The following VRK2 variants were observed in gnomAD, a reference collection of about 807,000 sequenced individuals.
The protein encoded by VRK2 is serine/threonine-protein kinase VRK2.
VRK2 carries 60 observed loss-of-function variants against 57.6 expected under a neutral mutation model. The observed-to-expected ratio is 1.04, with a 90% CI of 0.85 to 1.29. The LOEUF (loss-of-function observed/expected upper bound fraction) is 1.29, where lower values mean the gene tolerates loss of function less well. Among genes scored for constraint, VRK2 ranks in the 50% most tolerant of loss-of-function variants. VRK2 has a pLI of 0.00. For missense variants in VRK2, 705 were observed against 588.1 expected, an observed-to-expected ratio of 1.20 and a Z score of -2.06; for synonymous variants, 231 against 199.2, an observed-to-expected ratio of 1.16 and a Z score of -1.35.
chr2:58,039,420 T>G (rs543635919), intron 3 of VRK2, among the ~76,000 whole-genome samples: 1 of 152,180 alleles, frequency 6.6e-6, no homozygotes, highest in Non-Finnish European at 1.5e-5. Flanking sequence ...TCCCTAAAAA[T>G]TTCTCCTACA....
intron 2 of VRK2, among the ~76,000 whole-genome samples, chr2:58,083,662 A>G (rs868007571): frequency 1.3e-5 from 2 of 151,856 alleles, no homozygotes; most frequent in Non-Finnish European, 3.0e-5. Context: ...CTGAATCATT[A>G]TGAGTTCTAA....
At chr2:58,089,602 A>G (rs2104223603) in intron 6 of VRK2, 29 bp from the exon 7 acceptor site, 2 of 1,444,440 alleles carry the variant, frequency 1.4e-6, no homozygotes, top group East Asian at 4.6e-5. Context: ...AATAGCAGTA[A>G]ACCTTATTTT....
chr2:58,047,000 G>A, intron 1 of VRK2, 132 bp downstream of exon 1: 2 of 983,934 alleles, frequency 2.0e-6, no homozygotes, highest in African/African-American at 1.7e-5. Context: ...CCAGCCCCCG[G>A]GCCTCAGCTC....
chr2:58,118,998 G>C (rs2104462437), intron 7 of VRK2, among the ~76,000 whole-genome samples: 1 of 152,250 alleles, frequency 6.6e-6, no homozygotes, highest in Non-Finnish European at 1.5e-5. Context: ...CACAGTGGTG[G>C]AATGTCATCA....
At chr2:58,043,744 G>A (rs562885261), upstream of VRK2, among the ~76,000 whole-genome samples, 76 of 152,244 alleles carry the variant, frequency 5.0e-4, 1 homozygote, top group African/African-American at 1.6e-3. Flanking sequence ...TTTATCTTGG[G>A]TAAATATGCG....
intron 2 of VRK2, among the ~76,000 whole-genome samples, chr2:58,028,071 T>C (rs1244985737): frequency 6.6e-6 from 1 of 152,128 alleles, no homozygotes; most frequent in Admixed American, 6.6e-5. Context: ...ACTCAAACAA[T>C]CCCTTAATCT....
At chr2:58,013,982 T>C (rs1390972139) in intron 1 of VRK2, among the ~76,000 whole-genome samples, 1 of 152,076 alleles carries the variant, frequency 6.6e-6, no homozygotes, top group East Asian at 1.9e-4. Flanking sequence ...GCTTATGCTA[T>C]AGGGTAATAC....
intron 12 of VRK2, among the ~76,000 whole-genome samples, chr2:58,157,740 G>A (rs1480396844): frequency 6.6e-6 from 1 of 152,134 alleles, no homozygotes; most frequent in East Asian, 1.9e-4. Flanking sequence ...GTAGAGCAGG[G>A]GTCAGCAAAC....
chr2:58,073,403 G>GT (rs1343699669), intron 2 of VRK2, among the ~76,000 whole-genome samples: 2 of 151,900 alleles, frequency 1.3e-5, no homozygotes, highest in Non-Finnish European at 2.9e-5. Flanking sequence ...ATGGAAGTGT[G>GT]TTTAAGTCTC....
chr2:58,148,448 G>T lies in VRK2; in HGVS notation c.1182+1974G>T, dbSNP rs1682491537. Among the ~76,000 whole-genome samples the T allele has an allele frequency of 3.3e-5, 5 of 151,718 alleles. No individual in the cohort carries two copies. In the South Asian group the frequency reaches 1.0e-3, roughly 31 times the overall value. On this transcript the variant is annotated intron_variant, in intron 12 of 12. Transcript: ENST00000340157. ...GATATCCTCTCCTAGCATGCGGCCTGCCTAATCATTTAATTCATAGTATCT... is the reference window on the plus strand; with the variant it reads ...GATATCCTCTCCTAGCATGCGGCCTTCCTAATCATTTAATTCATAGTATCT...
rs151219048 is a variant in VRK2 at position 58,106,302 on chromosome 2, G to A, written c.543+16579G>A. On this transcript the variant is annotated intron_variant, in intron 7 of 12. Transcript: ENST00000340157. The stretch of plus-strand genomic sequence containing the variant: ...AACTGCTAGCCTATGAACTATTGAG[G>A]GAATTTTCCCCAGAAGTCTGGAAAG... Among the ~76,000 whole-genome samples, 6 of 152,052 alleles carry A rather than the reference G, an allele frequency of 3.9e-5. No individual in the cohort carries two copies. The East Asian group carries it at 9.7e-4, about 24-fold the overall frequency.
At chr2:57,931,697 T>C (rs1422035547) in intron 1 of VRK2, among the ~76,000 whole-genome samples, 24 of 152,200 alleles carry the variant, frequency 1.6e-4, no homozygotes, top group Admixed American at 1.4e-3. Flanking sequence ...CCAAGATCGA[T>C]GTCATGGACA....
chr2:58,093,723 T>G (rs1185703238), intron 7 of VRK2, among the ~76,000 whole-genome samples: 10 of 152,148 alleles, frequency 6.6e-5, no homozygotes, highest in Admixed American at 6.5e-4. Flanking sequence ...GGTGTTTTAG[T>G]CATGAAGTCC....
intron 2 of VRK2, among the ~76,000 whole-genome samples, chr2:58,078,546 T>G (rs887558438): frequency 5.9e-5 from 9 of 152,098 alleles, no homozygotes; most frequent in Non-Finnish European, 8.8e-5. Context: ...TATGGTAATT[T>G]TATTTATTTT....
chr2:57,965,091 T>C (rs67034577), intron 1 of VRK2, among the ~76,000 whole-genome samples: 21,255 of 152,090 alleles, frequency 0.14, 1,633 homozygotes, highest in African/African-American at 0.19. Flanking sequence ...ATTAAGTTGG[T>C]GCATAATGCA....
Position 58,149,108 on chromosome 2 carries a change from A to C in VRK2, c.1182+2634A>C, listed in dbSNP as rs1682607490. On this transcript the variant is annotated intron_variant, in intron 12 of 12. Transcript: ENST00000340157. ...GAGAACTGGCATCCCAACAATGTCG[A>C]CTCCTCCAGTGCATAAACCTGGTAC... Among the ~76,000 whole-genome samples the C allele has an allele frequency of 1.3e-5, 2 of 151,102 alleles. 1 individual carries two copies. Among genetic ancestry groups the C allele is most frequent in the Admixed American group, 1.3e-4 (2 of 15,126 alleles).
At chr2:58,146,185 C>A in intron 11 of VRK2, 131 bp from the exon 12 acceptor site, 1 of 772,820 alleles carries the variant, frequency 1.3e-6, no homozygotes, top group Non-Finnish European at 1.9e-6. Context: ...TGTCCACTTG[C>A]TGCTTTCCTC....
intron 3 of VRK2, among the ~76,000 whole-genome samples, chr2:58,084,563 G>A (rs916610000): frequency 4.6e-5 from 7 of 151,782 alleles, no homozygotes; most frequent in African/African-American, 1.7e-4. Context: ...TGTATATGTT[G>A]GTATACAGTG....
chr2:57,946,978 A>C (rs888941986), intron 1 of VRK2, among the ~76,000 whole-genome samples: 2 of 152,164 alleles, frequency 1.3e-5, no homozygotes, highest in Admixed American at 6.5e-5. Context: ...GATATGCCAA[A>C]AAAAATTTTT....
Sources: gnomAD v4.1 joint callset for allele counts (sites outside exome capture counted in the v4.1 genomes callset) on GRCh38, gnomAD v4.1.1 for gene constraint, MANE v1.5 for transcripts, NCBI Gene and HGNC (gene_info 2026-07-23, HGNC 2026-07-21) for gene names.